SORCS3: variants seen among roughly 807,000 people sequenced by gnomAD.
SORCS3 encodes VPS10 domain-containing receptor SorCS3.
SORCS3 carries 57 observed loss-of-function variants against 146.3 expected under a neutral mutation model. The ratio of observed to expected loss-of-function variants is 0.39; its 90% confidence interval spans 0.31 to 0.49. The LOEUF is 0.49. Among genes scored for constraint, SORCS3 ranks in the 20% least tolerant of loss-of-function variants. The pLI, the probability that SORCS3 is intolerant of heterozygous loss-of-function variation, is 0.92. For missense variants in SORCS3, 1,341 were observed against 1,575.5 expected, an observed-to-expected ratio of 0.85 and a Z score of 2.52; for synonymous variants, 653 against 618.5, an observed-to-expected ratio of 1.06 and a Z score of -0.83.
In SORCS3 at chr10:104,684,477, G is replaced by A. The variant is rs368209952; in HGVS notation, c.627+42523G>A. On this transcript the variant is annotated intron_variant, in intron 1 of 26. Transcript: ENST00000369701. ...TTTTTTGAGCACCCACTGTGTGCCC[G>A]GCACGGGAGCCACCCCTGGGACACA... 3.6e-4 allele frequency among the ~76,000 whole-genome samples: 55 copies of A among 152,268 alleles called. No homozygotes were observed. In the South Asian group the frequency reaches 5.8e-3, roughly 16 times the overall value.
intron 1 of SORCS3, among the ~76,000 whole-genome samples, chr10:104,809,694 C>G (rs541645997): frequency 6.6e-6 from 1 of 152,326 alleles, no homozygotes; most frequent in Admixed American, 6.5e-5. Flanking sequence ...TAGTTTAGAG[C>G]ACATCTTGTA....
chr10:104,722,491 A>G (rs2016562146), intron 1 of SORCS3, among the ~76,000 whole-genome samples: 1 of 152,224 alleles, frequency 6.6e-6, no homozygotes. Context: ...TGCTGGCCTC[A>G]TAAAATGAGT....
At chr10:104,696,861 C>G (rs2016222656) in intron 1 of SORCS3, among the ~76,000 whole-genome samples, 1 of 146,420 alleles carries the variant, frequency 6.8e-6, no homozygotes, top group African/African-American at 2.5e-5. Context: ...GACATTATGC[C>G]AAGTGAAATA....
chr10:104,681,718 C>T (rs1409666687), intron 1 of SORCS3, among the ~76,000 whole-genome samples: 2 of 152,168 alleles, frequency 1.3e-5, no homozygotes, highest in Admixed American at 1.3e-4. Context: ...TCCATCTACA[C>T]TAGCCTCTCT....
At chr10:104,655,112 G>T (rs1323610871) in intron 1 of SORCS3, among the ~76,000 whole-genome samples, 1 of 152,026 alleles carries the variant, frequency 6.6e-6, no homozygotes, top group Non-Finnish European at 1.5e-5. Flanking sequence ...AATTAGCCAG[G>T]TGTGGTGGCA....
intron 1 of SORCS3, among the ~76,000 whole-genome samples, chr10:104,825,003 G>C (rs975248558): frequency 1.3e-5 from 2 of 152,244 alleles, no homozygotes; most frequent in African/African-American, 2.4e-5. Context: ...CGCGGAGGCT[G>C]TCAGTGCGTG....
chr10:105,184,621 G>A (rs7069827), intron 14 of SORCS3, among the ~76,000 whole-genome samples: 48,363 of 152,090 alleles, frequency 0.32, 7,804 homozygotes, highest in Admixed American at 0.39. Context: ...AAATGGCTTA[G>A]AAGTTTCCTT....
intron 1 of SORCS3, among the ~76,000 whole-genome samples, chr10:104,663,360 T>C (rs2015726458): frequency 6.6e-6 from 1 of 152,200 alleles, no homozygotes; most frequent in Non-Finnish European, 1.5e-5. Context: ...GGTTATTAAG[T>C]TGCCTTCAGG....
chr10:105,085,760 G>C (rs982145459), intron 5 of SORCS3, among the ~76,000 whole-genome samples: 1 of 152,142 alleles, frequency 6.6e-6, no homozygotes, highest in African/African-American at 2.4e-5. Context: ...TGGTCTGTCT[G>C]TCTCTTAGAG....
chr10:105,025,837 A>ACAC (rs2055224875), intron 4 of SORCS3, among the ~76,000 whole-genome samples: 30 of 135,500 alleles, frequency 2.2e-4, no homozygotes, highest in South Asian at 7.7e-4. Flanking sequence ...TGTCTTCTCA[A>ACAC]ACACACACAC....
intron 1 of SORCS3, among the ~76,000 whole-genome samples, chr10:104,681,239 G>T (rs1248980572): frequency 6.6e-6 from 1 of 152,172 alleles, no homozygotes; most frequent in African/African-American, 2.4e-5. Flanking sequence ...GCTTTTTCCA[G>T]CCTGAGAGAT....
intron 3 of SORCS3, among the ~76,000 whole-genome samples, chr10:104,945,566 CT>C (rs10707282): frequency 0.32 from 42,632 of 134,926 alleles, 7,606 homozygotes; most frequent in African/African-American, 0.54. Context: ...GCCTAATGTT[CT>C]TTTTTTTTTT....
chr10:104,946,186 A>T (rs2019369216), intron 3 of SORCS3, among the ~76,000 whole-genome samples: 1 of 151,884 alleles, frequency 6.6e-6, no homozygotes, highest in South Asian at 2.1e-4. Context: ...GATGACAGCT[A>T]TGACTACTAG....
In SORCS3 at chr10:104,983,431, G is replaced by A. The variant is rs1195484537; in HGVS notation, c.954+5938G>A. 2.0e-5 allele frequency among the ~76,000 whole-genome samples: 3 copies of A among 152,094 alleles called. No homozygotes were observed. The East Asian group carries it at 5.8e-4, about 29-fold the overall frequency. On this transcript the variant is annotated intron_variant, in intron 4 of 26. Transcript: ENST00000369701. ...TCACATTTGCTGAAATGGAAGATACGGCATGTATATGCTTTAAGAAGGGTA... is the reference window on the plus strand; with the variant it reads ...TCACATTTGCTGAAATGGAAGATACAGCATGTATATGCTTTAAGAAGGGTA...
chr10:105,096,821 A>T (rs1386889473), intron 6 of SORCS3, among the ~76,000 whole-genome samples: 1 of 152,198 alleles, frequency 6.6e-6, no homozygotes, highest in Non-Finnish European at 1.5e-5. Context: ...TGCTTTAAGT[A>T]TAAAATACAT....
At chr10:104,875,911 A>C (rs1395076993) in intron 2 of SORCS3, among the ~76,000 whole-genome samples, 1 of 152,200 alleles carries the variant, frequency 6.6e-6, no homozygotes, top group East Asian at 1.9e-4. Context: ...ATAGCTAAAT[A>C]GACTCACATG....
intron 1 of SORCS3, among the ~76,000 whole-genome samples, chr10:104,647,516 G>C (rs942879105): frequency 2.0e-5 from 3 of 152,158 alleles, no homozygotes; most frequent in African/African-American, 7.2e-5. Flanking sequence ...TGAGTGATTT[G>C]AGGGTAAGAG....
intron 19 of SORCS3, among the ~76,000 whole-genome samples, chr10:105,219,527 G>T (rs138521308): frequency 6.6e-6 from 1 of 152,084 alleles, no homozygotes; most frequent in Non-Finnish European, 1.5e-5. Context: ...ATCAGTTAAC[G>T]GTTGACTGGA....
At chr10:105,037,752 A>G (rs1249950209) in intron 4 of SORCS3, among the ~76,000 whole-genome samples, 2 of 152,204 alleles carry the variant, frequency 1.3e-5, no homozygotes, top group African/African-American at 4.8e-5. Context: ...ACATTCTGAG[A>G]TGCTAGAGGC....
Sources: allele counts gnomAD v4.1 joint callset (sites outside exome capture counted in the v4.1 genomes callset), GRCh38; gene constraint gnomAD v4.1.1; transcripts MANE v1.5; gene names NCBI Gene and HGNC (gene_info 2026-07-23, HGNC 2026-07-21).